RBPMS: variants seen among roughly 807,000 people sequenced by gnomAD.
The protein encoded by RBPMS is RNA-binding protein with multiple splicing.
Under a neutral mutation model 26.8 loss-of-function variants are expected in RBPMS, and 7 were observed. That is an observed-to-expected ratio of 0.26 (90% CI 0.15 to 0.49). The LOEUF is 0.49. Among genes scored for constraint, RBPMS ranks in the 20% least tolerant of loss-of-function variants. The pLI, the probability that RBPMS is intolerant of heterozygous loss-of-function variation, is 0.98. For missense variants in RBPMS, 186 were observed against 250.0 expected (o/e 0.74, Z 1.73); for synonymous variants, 96 against 93.3 (o/e 1.03, Z -0.17).
At chr8:30,516,117 C>T (rs1252170291) in intron 5 of RBPMS, among the ~76,000 whole-genome samples, 4 of 152,172 alleles carry the variant, frequency 2.6e-5, no homozygotes, top group African/African-American at 4.8e-5. Context: ...CAGTGGCTCA[C>T]GCCTGTAATT....
At chr8:30,544,672 C>T (rs752430774) in intron 6 of RBPMS, 48 bp downstream of exon 6, 5 of 1,611,164 alleles carry the variant, frequency 3.1e-6, no homozygotes, top group Non-Finnish European at 4.2e-6. Context: ...ACCACCAGTC[C>T]TTTCAAACTT....
chr8:30,495,906 G>A (rs945896118), intron 4 of RBPMS, among the ~76,000 whole-genome samples: 1 of 152,172 alleles, frequency 6.6e-6, no homozygotes, highest in Non-Finnish European at 1.5e-5. Context: ...GAACTGTAAT[G>A]TCCTCACACA....
rs139352613 is a variant in RBPMS at position 30,433,066 on chromosome 8, A to G, written c.67-41713A>G. On this transcript the variant is annotated intron_variant, in intron 1 of 8. Transcript: ENST00000397323. ...CTCTTTCAGTCTAAAAACCAGATAA[A>G]CTGTCCTACAGTGATTCAAATAGCC... Among the ~76,000 whole-genome samples, 530 of 152,272 alleles carry G rather than the reference A, an allele frequency of 3.5e-3. 3 individuals carry two copies. The highest frequency in any genetic ancestry group is 0.012 in the African/African-American group (514 of 41,554).
chr8:30,482,121 G>A (rs892536360), intron 4 of RBPMS, among the ~76,000 whole-genome samples: 1 of 152,198 alleles, frequency 6.6e-6, no homozygotes, highest in Non-Finnish European at 1.5e-5. Context: ...TCAAGGTAAT[G>A]TATTTAGTCA....
rs759647976 is a variant in RBPMS at position 30,547,269 on chromosome 8, CA to C, written c.528+2646del. The C allele has an allele frequency of 5.3e-6, 8 of 1,495,582 alleles. No individual in the cohort carries two copies. The South Asian group carries it at 8.2e-5, about 15-fold the overall frequency. 92.6% of individuals were successfully genotyped at this position (1,495,582 alleles called of 1,614,324 possible). The stretch of plus-strand genomic sequence containing the variant: ...AGCAATGTTATGCTCTATTTTGAGA[CA>C]TGGATTTTTTTTTTCTTCTAGTGTT... On this transcript the variant is annotated intron_variant, in intron 6 of 8. Coordinates refer to ENST00000397323, the MANE Select transcript of RBPMS (RefSeq NM_001008710.3).
intron 6 of RBPMS, among the ~76,000 whole-genome samples, chr8:30,546,072 C>T (rs919536496): frequency 6.6e-6 from 1 of 152,110 alleles, no homozygotes; most frequent in African/African-American, 2.4e-5. Flanking sequence ...CTGTGGGTGT[C>T]TTCTGCTGAG....
intron 4 of RBPMS, among the ~76,000 whole-genome samples, chr8:30,486,866 CAG>C (rs1480809869): frequency 3.9e-5 from 6 of 152,156 alleles, no homozygotes; most frequent in Admixed American, 1.3e-4. Context: ...AAATAGCTCT[CAG>C]AATTTTCCTT....
chr8:30,442,584 T>G (rs942985589), intron 1 of RBPMS: 2 of 152,320 alleles, frequency 1.3e-5, no homozygotes, highest in African/African-American at 4.8e-5. Context: ...TTGTTCACGG[T>G]GGGGCCAGTC....
intron 5 of RBPMS, among the ~76,000 whole-genome samples, chr8:30,531,043 T>C (rs1824168645): frequency 6.6e-6 from 1 of 152,168 alleles, no homozygotes; most frequent in Non-Finnish European, 1.5e-5. Context: ...GACAGGTCTT[T>C]TACGTTACTA....
At chr8:30,512,770 C>T (rs1471964607) in intron 5 of RBPMS, among the ~76,000 whole-genome samples, 1 of 152,206 alleles carries the variant, frequency 6.6e-6, no homozygotes, top group Non-Finnish European at 1.5e-5. Flanking sequence ...CAAATTCTCA[C>T]CTCATGAACA....
At chr8:30,472,965 C>T (rs538142045) in intron 1 of RBPMS, among the ~76,000 whole-genome samples, 42 of 152,268 alleles carry the variant, frequency 2.8e-4, no homozygotes, top group Non-Finnish European at 4.1e-4. Flanking sequence ...ATATTCTCCC[C>T]ATCTTTCACT....
chr8:30,493,954 CAA>C (rs932298848), intron 4 of RBPMS, among the ~76,000 whole-genome samples: 1 of 152,128 alleles, frequency 6.6e-6, no homozygotes, highest in African/African-American at 2.4e-5. Context: ...TTGGCTAACA[CAA>C]AAAGTAAGTG....
At chr8:30,521,505 A>G (rs1342793264) in intron 5 of RBPMS, among the ~76,000 whole-genome samples, 1 of 152,242 alleles carries the variant, frequency 6.6e-6, no homozygotes. Flanking sequence ...CCTGGCAGAA[A>G]GATTGAAACG....
chr8:30,474,899 G>T (rs763121434), intron 2 of RBPMS, 43 bp downstream of exon 2: 1 of 1,266,810 alleles, frequency 7.9e-7, no homozygotes, highest in Non-Finnish European at 1.1e-6. Flanking sequence ...TGAGACAAAA[G>T]TCTGTATGCT....
At chr8:30,529,516 G>C (rs1005344630) in intron 5 of RBPMS, among the ~76,000 whole-genome samples, 4 of 149,238 alleles carry the variant, frequency 2.7e-5, no homozygotes, top group East Asian at 2.1e-4. Flanking sequence ...AAAAAGAAAA[G>C]ACAAAACAAA....
At chr8:30,529,694 C>A (rs1823996246) in intron 5 of RBPMS, among the ~76,000 whole-genome samples, 1 of 151,942 alleles carries the variant, frequency 6.6e-6, no homozygotes, top group African/African-American at 2.4e-5. Flanking sequence ...TGGCTTCTTT[C>A]CCTTAGCGTA....
At chr8:30,459,845 A>T (rs1815687730) in intron 1 of RBPMS, among the ~76,000 whole-genome samples, 1 of 152,238 alleles carries the variant, frequency 6.6e-6, no homozygotes, top group African/African-American at 2.4e-5. Context: ...ACATATAATC[A>T]TGTTAACCTA....
chr8:30,515,546 T>C (rs926463073), intron 5 of RBPMS, among the ~76,000 whole-genome samples: 2 of 152,262 alleles, frequency 1.3e-5, no homozygotes, highest in Non-Finnish European at 2.9e-5. Flanking sequence ...AGTTGTCTTC[T>C]ATTAAACTAG....
chr8:30,562,402 G>C (rs1827575513), intron 7 of RBPMS, among the ~76,000 whole-genome samples: 1 of 152,062 alleles, frequency 6.6e-6, no homozygotes, highest in African/African-American at 2.4e-5. Context: ...TTGGGCCATG[G>C]GCCAGACTCC....
Sources: allele counts gnomAD v4.1 joint callset (sites outside exome capture counted in the v4.1 genomes callset), GRCh38; gene constraint gnomAD v4.1.1; transcripts MANE v1.5; gene names NCBI Gene and HGNC (gene_info 2026-07-23, HGNC 2026-07-21).